The following RARB variants were observed in gnomAD, a reference collection of about 807,000 sequenced individuals.
RARB encodes the protein HBV-activated protein.
Under a neutral mutation model 51.9 loss-of-function variants are expected in RARB, and 17 were observed. The ratio of observed to expected loss-of-function variants is 0.33; its 90% confidence interval spans 0.22 to 0.49. The LOEUF (loss-of-function observed/expected upper bound fraction) is 0.49. Among genes scored for constraint, RARB ranks in the 20% least tolerant of loss-of-function variants. The probability of loss-of-function intolerance (pLI) is 0.99; values close to 1 mark genes in which losing one functional copy is unlikely to be tolerated. For synonymous variants in RARB, 215 were observed against 195.4 expected (o/e 1.10, Z -0.84); for missense variants, 369 against 550.8 (o/e 0.67, Z 3.30).
chr3:24,902,543 G>C (rs1236234452), intron 2 of RARB, among the ~76,000 whole-genome samples: 1 of 152,156 alleles, frequency 6.6e-6, no homozygotes, highest in Non-Finnish European at 1.5e-5. Context: ...CGGGTAATTT[G>C]GTCTGGGTTG....
At chr3:24,952,353 C>G (rs1695913036) in intron 2 of RARB, among the ~76,000 whole-genome samples, 1 of 151,892 alleles carries the variant, frequency 6.6e-6, no homozygotes, top group Admixed American at 6.6e-5. Context: ...AACTTTTATA[C>G]CACCCACCCA....
At chr3:25,015,559 C>T (rs1697491044) in intron 2 of RARB, among the ~76,000 whole-genome samples, 1 of 152,108 alleles carries the variant, frequency 6.6e-6, no homozygotes, top group Admixed American at 6.6e-5. Context: ...TCAGTAATTC[C>T]AAACTGATAC....
At chr3:24,992,764 A>C (rs1366839037) in intron 2 of RARB, among the ~76,000 whole-genome samples, 2 of 152,140 alleles carry the variant, frequency 1.3e-5, no homozygotes, top group African/African-American at 4.8e-5. Context: ...CAGATCCATT[A>C]GCGATCACCC....
At chr3:25,304,490 G>A (rs1030614647) in intron 5 of RARB, among the ~76,000 whole-genome samples, 6 of 152,202 alleles carry the variant, frequency 3.9e-5, no homozygotes, top group Middle Eastern at 3.4e-3. Flanking sequence ...CACTCTTTCA[G>A]ACTTTTTCAT....
intron 3 of RARB, among the ~76,000 whole-genome samples, chr3:25,512,872 G>A (rs1153589): frequency 0.38 from 58,235 of 151,990 alleles, 15,225 homozygotes; most frequent in African/African-American, 0.73. Flanking sequence ...AAAACTCATC[G>A]CACAGAAGGT....
intron 2 of RARB, among the ~76,000 whole-genome samples, chr3:24,913,137 C>A (rs760446791): frequency 6.6e-5 from 10 of 151,490 alleles, no homozygotes; most frequent in Non-Finnish European, 1.0e-4. Context: ...CCCGCCACCA[C>A]GCCCGGCTAA....
At chr3:25,412,329 C>A (rs1053733233) in intron 5 of RARB, among the ~76,000 whole-genome samples, 1 of 152,072 alleles carries the variant, frequency 6.6e-6, no homozygotes, top group Non-Finnish European at 1.5e-5. Context: ...TTGAATGTTG[C>A]TATTAACCAA....
At chr3:25,577,361 G>A (rs1322064107) in intron 4 of RARB, among the ~76,000 whole-genome samples, 1 of 152,192 alleles carries the variant, frequency 6.6e-6, no homozygotes, top group Non-Finnish European at 1.5e-5. Context: ...CTGGCACGAG[G>A]CAAGCCCTAG....
At chr3:24,937,982 A>G (rs1262801776) in intron 2 of RARB, among the ~76,000 whole-genome samples, 1 of 152,138 alleles carries the variant, frequency 6.6e-6, no homozygotes, top group Admixed American at 6.5e-5. Context: ...GACTCACTTG[A>G]TTCAGTACAT....
At chr3:25,536,955 C>T (rs1198623438) in intron 3 of RARB, among the ~76,000 whole-genome samples, 1 of 152,182 alleles carries the variant, frequency 6.6e-6, no homozygotes, top group Non-Finnish European at 1.5e-5. Flanking sequence ...GGATCCAGTT[C>T]AGAGAAATTG....
chr3:25,155,138 T>A (rs944089746), intron 4 of RARB, among the ~76,000 whole-genome samples: 1 of 152,228 alleles, frequency 6.6e-6, no homozygotes, highest in African/African-American at 2.4e-5. Flanking sequence ...TAAAATGAAA[T>A]ATTGCTTCCC....
intron 2 of RARB, among the ~76,000 whole-genome samples, chr3:25,036,440 C>T (rs922135198): frequency 3.9e-5 from 6 of 152,098 alleles, no homozygotes; most frequent in East Asian, 1.9e-4. Flanking sequence ...AATTACATGC[C>T]GGAAAAGAAA....
chr3:25,270,603 C>T (rs13059799), intron 5 of RARB, among the ~76,000 whole-genome samples: 2 of 152,104 alleles, frequency 1.3e-5, no homozygotes, highest in South Asian at 4.1e-4. Context: ...ATATGCAAAA[C>T]TTAATGGGGA....
chr3:25,364,981 AT>A (rs1485487372), intron 5 of RARB, among the ~76,000 whole-genome samples: 1 of 152,084 alleles, frequency 6.6e-6, no homozygotes, highest in East Asian at 1.9e-4. Flanking sequence ...TCTGATTACT[AT>A]TAGTATCATT....
chr3:25,455,150 A>G (rs890681830), intron 1 of RARB, among the ~76,000 whole-genome samples: 1 of 152,244 alleles, frequency 6.6e-6, no homozygotes, highest in Non-Finnish European at 1.5e-5. Context: ...AAGTTCAGAC[A>G]TTGAGAGCAA....
At chr3:24,998,239 C>A (rs982910821) in intron 2 of RARB, among the ~76,000 whole-genome samples, 3 of 149,602 alleles carry the variant, frequency 2.0e-5, no homozygotes, top group African/African-American at 7.3e-5. Context: ...GCTGCTCTTA[C>A]CTCTCATGGT....
At chr3:24,923,568 T>C (rs1575074102) in intron 2 of RARB, among the ~76,000 whole-genome samples, 1 of 152,150 alleles carries the variant, frequency 6.6e-6, no homozygotes, top group East Asian at 1.9e-4. Flanking sequence ...GACAATTTGC[T>C]TTTTGAGATA....
At chr3:25,199,460 T>C (rs1405353591) in intron 5 of RARB, among the ~76,000 whole-genome samples, 1 of 152,138 alleles carries the variant, frequency 6.6e-6, no homozygotes, top group East Asian at 1.9e-4. Context: ...TTGGAATTTT[T>C]TTATTATTAT....
intron 5 of RARB, among the ~76,000 whole-genome samples, chr3:25,220,470 A>G (rs73149217): frequency 0.012 from 1,827 of 152,268 alleles, 32 homozygotes; most frequent in African/African-American, 0.042. Context: ...TTGTGTCCCC[A>G]CCCAAATCTC....
Sources: allele counts gnomAD v4.1 joint callset (sites outside exome capture counted in the v4.1 genomes callset), GRCh38; gene constraint gnomAD v4.1.1; transcripts MANE v1.5; gene names NCBI Gene and HGNC (gene_info 2026-07-23, HGNC 2026-07-21).